Variants in SDK2 observed in about 807,000 individuals in gnomAD.
SDK2 encodes the protein sidekick cell adhesion molecule 2.
In SDK2, 105 loss-of-function variants were observed where a neutral mutation model predicts 253.9. That is an observed-to-expected ratio of 0.41 (90% confidence interval 0.35 to 0.49). The LOEUF (loss-of-function observed/expected upper bound fraction) is 0.49, where lower values mean the gene tolerates loss of function less well. Among genes scored for constraint, SDK2 ranks in the 20% least tolerant of loss-of-function variants. The pLI is 0.06. For synonymous variants in SDK2, 1,249 were observed against 1,234.9 expected (o/e 1.01, Z -0.24); for missense variants, 2,608 against 3,003.0 (o/e 0.87, Z 3.07).
At chr17:73,436,576 CAAAAAAAAAAAAA>C (rs56089526) in intron 8 of SDK2, among the ~76,000 whole-genome samples, 1 of 38,832 alleles carries the variant, frequency 2.6e-5, no homozygotes, top group Non-Finnish European at 4.6e-5. Flanking sequence ...GACTCAGTCT[CAAAAAAAAAAAAA>C]AAAAAAAAAA....
chr17:73,597,147 G>A (rs868204527), intron 1 of SDK2, among the ~76,000 whole-genome samples: 16 of 152,166 alleles, frequency 1.1e-4, no homozygotes, highest in African/African-American at 2.9e-4. Flanking sequence ...CCTTTAACAC[G>A]TATTCTCCTG....
chr17:73,413,210 C>A (rs1354579569), intron 18 of SDK2, among the ~76,000 whole-genome samples: 1 of 151,984 alleles, frequency 6.6e-6, no homozygotes, highest in African/African-American at 2.4e-5. Context: ...GGAGCGTGAA[C>A]CCTGCTGTGA....
chr17:73,365,696 G>A (rs1265354793), intron 37 of SDK2, among the ~76,000 whole-genome samples: 1 of 152,178 alleles, frequency 6.6e-6, no homozygotes, highest in East Asian at 1.9e-4. Context: ...GGCTATGAGT[G>A]TGGGACAAGC....
intron 1 of SDK2, among the ~76,000 whole-genome samples, chr17:73,578,231 TTG>T (rs2045484348): frequency 1.3e-5 from 2 of 151,942 alleles, no homozygotes; most frequent in African/African-American, 2.4e-5. Context: ...GGCTAATGTT[TTG>T]TGTGTATTTT....
chr17:73,494,113 C>G (rs1018689730), intron 2 of SDK2, among the ~76,000 whole-genome samples: 1 of 152,202 alleles, frequency 6.6e-6, no homozygotes, highest in Non-Finnish European at 1.5e-5. Flanking sequence ...GGAAATGACA[C>G]TGAGTGAAAT....
chr17:73,393,371 A>G (rs1318935137), intron 27 of SDK2, among the ~76,000 whole-genome samples, 189 bp downstream of exon 27: 3 of 152,048 alleles, frequency 2.0e-5, no homozygotes, highest in Non-Finnish European at 4.4e-5. Flanking sequence ...GTCCTCAGGG[A>G]TACACAGGCT....
intron 1 of SDK2, among the ~76,000 whole-genome samples, chr17:73,637,358 C>G (rs934740948): frequency 1.3e-5 from 2 of 152,130 alleles, no homozygotes; most frequent in African/African-American, 2.4e-5. Context: ...GGGCTACAAT[C>G]AGAAGAAACA....
At chr17:73,540,458 T>C (rs1422886253) in intron 1 of SDK2, among the ~76,000 whole-genome samples, 6 of 152,334 alleles carry the variant, frequency 3.9e-5, no homozygotes, top group Non-Finnish European at 8.8e-5. Context: ...TGAGACTACT[T>C]TAGCTTCAGC....
At chr17:73,421,573 C>CTTTTTTTTTTTTTTTTTTTTTT (rs36068491) in intron 15 of SDK2, among the ~76,000 whole-genome samples, 1 of 90,772 alleles carries the variant, frequency 1.1e-5, no homozygotes, top group Non-Finnish European at 2.0e-5. Context: ...CAATTTCCAT[C>CTTTTTTTTTTTTTTTTTTTTTT]TTTTTTTTTT....
intron 5 of SDK2, among the ~76,000 whole-genome samples, chr17:73,445,698 T>TGGGA (rs1555580267): frequency 2.6e-5 from 4 of 151,226 alleles, no homozygotes; most frequent in Admixed American, 1.3e-4. Context: ...ACAAATTGGT[T>TGGGA]GGCAGGCAGG....
At chr17:73,510,473 G>T (rs2145766408) in intron 1 of SDK2, among the ~76,000 whole-genome samples, 1 of 152,260 alleles carries the variant, frequency 6.6e-6, no homozygotes, top group Non-Finnish European at 1.5e-5. Context: ...GCCTTCGACT[G>T]CTCCCTCTAC....
chr17:73,572,692 G>GGTCTTT (rs2045404028), intron 1 of SDK2, among the ~76,000 whole-genome samples: 1 of 152,166 alleles, frequency 6.6e-6, no homozygotes, highest in African/African-American at 2.4e-5. Flanking sequence ...AAGATTGACT[G>GGTCTTT]ACTGACTGAA....
At chr17:73,342,774 A>G (rs1345461014) in intron 44 of SDK2, among the ~76,000 whole-genome samples, 1 of 152,046 alleles carries the variant, frequency 6.6e-6, no homozygotes, top group African/African-American at 2.4e-5. Flanking sequence ...GGAAGCCATC[A>G]CTCAGGCTCT....
At chr17:73,538,289 T>C (rs139077140) in intron 1 of SDK2, among the ~76,000 whole-genome samples, 20 of 152,272 alleles carry the variant, frequency 1.3e-4, no homozygotes, top group Admixed American at 3.3e-4. Flanking sequence ...AGCTGACCAG[T>C]CTCCTGGCTC....
At chr17:73,450,973 G>A (rs1267974728) in intron 4 of SDK2, among the ~76,000 whole-genome samples, 3 of 152,234 alleles carry the variant, frequency 2.0e-5, no homozygotes, top group African/African-American at 7.2e-5. Context: ...CTTCCCTTGT[G>A]TCATGGACTG....
At chr17:73,614,184 C>G in intron 1 of SDK2, among the ~76,000 whole-genome samples, 1 of 152,106 alleles carries the variant, frequency 6.6e-6, no homozygotes, top group East Asian at 1.9e-4. Context: ...CCCTTGCAGC[C>G]TCTAGGCCTT....
intron 18 of SDK2, among the ~76,000 whole-genome samples, chr17:73,410,683 T>G (rs1489842569): frequency 6.6e-6 from 1 of 152,192 alleles, no homozygotes; most frequent in Non-Finnish European, 1.5e-5. Flanking sequence ...AAGCATTTAG[T>G]GTACTGCCTG....
At chr17:73,446,139 T>C (rs1473494811) in intron 5 of SDK2, among the ~76,000 whole-genome samples, 1 of 152,200 alleles carries the variant, frequency 6.6e-6, no homozygotes, top group East Asian at 1.9e-4. Flanking sequence ...ACTTGGACCA[T>C]GAACCACTCC....
intron 1 of SDK2, among the ~76,000 whole-genome samples, chr17:73,595,437 T>C (rs2045743187): frequency 6.6e-6 from 1 of 152,208 alleles, no homozygotes; most frequent in Non-Finnish European, 1.5e-5. Context: ...AGGAGGCCCT[T>C]GTGCTTCCAA....
Sources: gnomAD v4.1 joint callset for allele counts (sites outside exome capture counted in the v4.1 genomes callset) on GRCh38, gnomAD v4.1.1 for gene constraint, MANE v1.5 for transcripts, NCBI Gene and HGNC (gene_info 2026-07-23, HGNC 2026-07-21) for gene names.